Variants in IMMP2L observed in about 807,000 individuals in gnomAD.
IMMP2L encodes the protein inner mitochondrial membrane peptidase subunit 2.
Under a neutral mutation model 19.3 loss-of-function variants are expected in IMMP2L, and 18 were observed. The ratio of observed to expected loss-of-function variants is 0.93; its 90% CI spans 0.64 to 1.38. The LOEUF is 1.38. Among genes scored for constraint, IMMP2L ranks in the 40% most tolerant of loss-of-function variants. IMMP2L has a pLI of 0.00. For synonymous variants in IMMP2L, 76 were observed against 73.0 expected (o/e 1.04, Z -0.21); for missense variants, 233 against 218.2 (o/e 1.07, Z -0.43).
chr7:111,161,320 A>G (rs191434824), intron 3 of IMMP2L, among the ~76,000 whole-genome samples: 4 of 152,040 alleles, frequency 2.6e-5, no homozygotes, highest in African/African-American at 7.2e-5. Context: ...TCATGTATGT[A>G]TATGTAAATA....
At chr7:111,123,000 A>T (rs770161685) in intron 3 of IMMP2L, 9 of 1,613,824 alleles carry the variant, frequency 5.6e-6, no homozygotes, top group African/African-American at 2.7e-5. Flanking sequence ...TTCTTCTCCT[A>T]CAGACTAACA....
intron 3 of IMMP2L, among the ~76,000 whole-genome samples, chr7:111,317,976 C>T (rs1010702744): frequency 6.6e-6 from 1 of 152,046 alleles, no homozygotes; most frequent in African/African-American, 2.4e-5. Context: ...TTGAAATCTA[C>T]ATTTTTTCAA....
chr7:111,380,317 C>A (rs1831076030), intron 3 of IMMP2L, among the ~76,000 whole-genome samples: 1 of 151,904 alleles, frequency 6.6e-6, no homozygotes, highest in South Asian at 2.1e-4. Context: ...TATTCATTGA[C>A]TCCTACAACA....
chr7:110,912,454 C>T (rs1727541919), intron 4 of IMMP2L, among the ~76,000 whole-genome samples: 1 of 151,864 alleles, frequency 6.6e-6, no homozygotes, highest in South Asian at 2.1e-4. Context: ...TGTGATGGAT[C>T]TCAGACTGGA....
At chr7:111,522,802 G>A (rs1017274474) in intron 1 of IMMP2L, among the ~76,000 whole-genome samples, 5 of 151,904 alleles carry the variant, frequency 3.3e-5, no homozygotes, top group African/African-American at 1.2e-4. Flanking sequence ...CAAAGGAACT[G>A]AAATCAGTAT....
chr7:111,207,958 C>T (rs780859813), intron 3 of IMMP2L, among the ~76,000 whole-genome samples: 4 of 152,106 alleles, frequency 2.6e-5, no homozygotes, highest in Non-Finnish European at 4.4e-5. Context: ...CCTCGCTGTA[C>T]CCTATCATTA....
intron 3 of IMMP2L, among the ~76,000 whole-genome samples, chr7:111,103,915 A>T (rs1426195491): frequency 1.3e-5 from 2 of 151,628 alleles, no homozygotes; most frequent in African/African-American, 2.4e-5. Context: ...CTTCTATTGA[A>T]CACCATTTTG....
chr7:111,275,207 A>G (rs1818890653), intron 3 of IMMP2L, among the ~76,000 whole-genome samples: 1 of 152,148 alleles, frequency 6.6e-6, no homozygotes, highest in East Asian at 1.9e-4. Context: ...ATGAGACCAC[A>G]TTGCCCACTC....
chr7:110,817,807 C>T (rs753417255), intron 5 of IMMP2L, among the ~76,000 whole-genome samples: 2 of 152,120 alleles, frequency 1.3e-5, no homozygotes, highest in East Asian at 3.9e-4. Flanking sequence ...GAAATAACGC[C>T]GCATATCTAC....
intron 4 of IMMP2L, among the ~76,000 whole-genome samples, chr7:110,887,816 T>C (rs897439330): frequency 6.6e-5 from 10 of 151,862 alleles, no homozygotes; most frequent in African/African-American, 2.4e-4. Context: ...TCAGTAAGTG[T>C]TGGCTGAATG....
chr7:110,824,122 C>T (rs1803261876), intron 5 of IMMP2L, among the ~76,000 whole-genome samples: 1 of 152,062 alleles, frequency 6.6e-6, no homozygotes, highest in Admixed American at 6.6e-5. Context: ...TAACGCTGCT[C>T]AACTAGTTTA....
intron 3 of IMMP2L, among the ~76,000 whole-genome samples, chr7:111,121,729 G>A (rs901209860): frequency 2.0e-5 from 3 of 152,006 alleles, no homozygotes; most frequent in Non-Finnish European, 2.9e-5. Context: ...CCCATTACTG[G>A]GTATATACCC....
intron 3 of IMMP2L, among the ~76,000 whole-genome samples, chr7:111,313,414 CACTA>C (rs1472877769): frequency 1.3e-5 from 2 of 152,032 alleles, no homozygotes; most frequent in Non-Finnish European, 2.9e-5. Flanking sequence ...GAGATAACAG[CACTA>C]ACTGTCACAA....
intron 3 of IMMP2L, among the ~76,000 whole-genome samples, chr7:111,446,215 G>A (rs1249351823): frequency 2.0e-5 from 3 of 152,164 alleles, no homozygotes; most frequent in African/African-American, 4.8e-5. Context: ...ACAGCTCAAG[G>A]AGGCCTGCCT....
chr7:110,954,462 C>T, intron 4 of IMMP2L, among the ~76,000 whole-genome samples: 1 of 152,056 alleles, frequency 6.6e-6, no homozygotes, highest in Non-Finnish European at 1.5e-5. Flanking sequence ...TCAAGGCACT[C>T]AATAAATCAT....
At chr7:111,134,463 T>C (rs1017902041) in intron 3 of IMMP2L, among the ~76,000 whole-genome samples, 1 of 151,430 alleles carries the variant, frequency 6.6e-6, no homozygotes, top group Non-Finnish European at 1.5e-5. Context: ...ATTAATATTA[T>C]CTAAGATAAG....
intron 3 of IMMP2L, among the ~76,000 whole-genome samples, chr7:111,012,672 T>G (rs1442133357): frequency 6.6e-6 from 1 of 152,076 alleles, no homozygotes; most frequent in Non-Finnish European, 1.5e-5. Flanking sequence ...TATTCTGGAG[T>G]TTTAGGTAAG....
At chr7:111,066,825 T>C (rs536328066) in intron 3 of IMMP2L, among the ~76,000 whole-genome samples, 3 of 152,172 alleles carry the variant, frequency 2.0e-5, no homozygotes, top group Non-Finnish European at 2.9e-5. Flanking sequence ...CTGGTCACAT[T>C]AGTAAAACCA....
At chr7:111,166,933 T>C (rs1004810434) in intron 3 of IMMP2L, among the ~76,000 whole-genome samples, 1 of 151,988 alleles carries the variant, frequency 6.6e-6, no homozygotes, top group Non-Finnish European at 1.5e-5. Flanking sequence ...CTTGAGGTCC[T>C]TTAAATTGCA....
Sources: gnomAD v4.1 joint callset for allele counts (sites outside exome capture counted in the v4.1 genomes callset) on GRCh38, gnomAD v4.1.1 for gene constraint, MANE v1.5 for transcripts, NCBI Gene and HGNC (gene_info 2026-07-23, HGNC 2026-07-21) for gene names.